The following MED27 variants were observed in gnomAD, a reference collection of about 807,000 sequenced individuals.
MED27 encodes mediator of RNA polymerase II transcription subunit 27.
MED27 carries 30 observed loss-of-function variants against 38.2 expected under a neutral mutation model. The ratio of observed to expected loss-of-function variants is 0.79; its 90% confidence interval spans 0.59 to 1.07. The LOEUF is 1.07. MED27 is among the 50% of genes least tolerant of loss of function. The pLI, the probability that MED27 is intolerant of heterozygous loss-of-function variation, is 0.00. For missense variants in MED27, 289 were observed against 397.5 expected (o/e 0.73, Z 2.32); for synonymous variants, 122 against 153.5 (o/e 0.79, Z 1.52).
rs113721791 is a variant in MED27, at chr9:131,993,243, T to TAA, written c.479+21092_479+21093dup. 6.6e-3 allele frequency among the ~76,000 whole-genome samples: 1,002 copies of TAA among 151,248 alleles called. 15 individuals are homozygous for TAA. Among genetic ancestry groups the TAA allele is most frequent in the Non-Finnish European group, 7.2e-3 (488 of 67,770 alleles). On this transcript the variant is annotated intron_variant, in intron 3 of 7. Transcript: ENST00000292035. ...GTTGTTATTCATGTTTTTTTTTTTT[T>TAA]AAAAAATTCAAGTTTTTCCTTACAG...
intron 3 of MED27, among the ~76,000 whole-genome samples, chr9:131,950,844 G>T (rs1258083398): frequency 6.6e-6 from 1 of 152,184 alleles, no homozygotes; most frequent in East Asian, 1.9e-4. Context: ...TGGTGAACGG[G>T]ACTGATTTAA....
At chr9:132,049,557 C>T (rs1276315863) in intron 2 of MED27, among the ~76,000 whole-genome samples, 1 of 152,176 alleles carries the variant, frequency 6.6e-6, no homozygotes, top group Non-Finnish European at 1.5e-5. Context: ...GGTTGCCACA[C>T]TCTCCTCTCA....
chr9:131,961,719 C>T (rs964338663), intron 3 of MED27, among the ~76,000 whole-genome samples: 1 of 152,236 alleles, frequency 6.6e-6, no homozygotes, highest in Admixed American at 6.5e-5. Flanking sequence ...CTGCTTTCTA[C>T]AGTCCCTTCC....
intron 3 of MED27, among the ~76,000 whole-genome samples, chr9:131,988,080 A>G (rs908907179): frequency 1.3e-5 from 2 of 152,280 alleles, no homozygotes; most frequent in Non-Finnish European, 2.9e-5. Context: ...CGTAAATACA[A>G]CAGTCAATAA....
chr9:131,980,384 T>TTG (rs1405851556), intron 3 of MED27, among the ~76,000 whole-genome samples: 1 of 152,116 alleles, frequency 6.6e-6, no homozygotes, highest in African/African-American at 2.4e-5. Context: ...ACAAAGACTA[T>TTG]TGTGCAATCA....
chr9:132,037,649 G>A (rs990600858), intron 2 of MED27, among the ~76,000 whole-genome samples: 2 of 152,180 alleles, frequency 1.3e-5, no homozygotes, highest in Non-Finnish European at 2.9e-5. Context: ...ATGGGCTTGG[G>A]CTGGCTTCGG....
At chr9:131,994,882 A>C (rs1374637797) in intron 3 of MED27, among the ~76,000 whole-genome samples, 1 of 152,136 alleles carries the variant, frequency 6.6e-6, no homozygotes, top group African/African-American at 2.4e-5. Flanking sequence ...GGAAGGGGGA[A>C]GTGTCCAAGC....
intron 6 of MED27, among the ~76,000 whole-genome samples, chr9:131,864,223 G>A (rs1164940845): frequency 1.3e-5 from 2 of 152,180 alleles, no homozygotes; most frequent in Non-Finnish European, 2.9e-5. Context: ...CCTCATGCCT[G>A]TAATCCCAGA....
intron 3 of MED27, among the ~76,000 whole-genome samples, chr9:131,955,929 A>G (rs1831086629): frequency 6.8e-6 from 1 of 146,466 alleles, no homozygotes; most frequent in Admixed American, 6.6e-5. Flanking sequence ...ACAAAAGAAA[A>G]AGAAAGTTAT....
chr9:131,966,600 T>C (rs555958534), intron 3 of MED27, among the ~76,000 whole-genome samples: 18 of 152,084 alleles, frequency 1.2e-4, no homozygotes, highest in Non-Finnish European at 2.4e-4. Flanking sequence ...TGTACTCTTC[T>C]AGTATCACTT....
chr9:132,031,761 T>C (rs1293628023), intron 2 of MED27: 1 of 152,094 alleles, frequency 6.6e-6, no homozygotes, highest in Admixed American at 6.5e-5. Context: ...TACGTACTTA[T>C]GTTCCTTGGA....
intron 3 of MED27, among the ~76,000 whole-genome samples, chr9:132,011,945 C>T (rs76371366): frequency 1.8e-5 from 2 of 112,536 alleles, no homozygotes; most frequent in Admixed American, 9.7e-5. Flanking sequence ...GAACACCTCT[C>T]GCTCTTTTTT....
At chr9:132,063,320 C>T (rs916641216) in intron 2 of MED27, among the ~76,000 whole-genome samples, 2 of 152,182 alleles carry the variant, frequency 1.3e-5, no homozygotes, top group South Asian at 2.1e-4. Context: ...GAAAGCAGTA[C>T]GTACCCATCA....
intron 4 of MED27, among the ~76,000 whole-genome samples, chr9:131,908,684 TC>T (rs1830128933): frequency 6.6e-6 from 1 of 152,008 alleles, no homozygotes; most frequent in Non-Finnish European, 1.5e-5. Context: ...GGCAGCATGC[TC>T]GTTAAGAGTC....
At position 132,003,875 on chromosome 9, in the gene MED27, A is replaced by G. The variant is rs931338294; in HGVS notation, c.479+10462T>C. On this transcript the variant is annotated intron_variant, in intron 3 of 7. Coordinates refer to ENST00000292035, the MANE Select transcript of MED27 (RefSeq NM_004269.4). The surrounding 1 kb of genome is among the most constrained non-coding windows in gnomAD (Gnocchi z 4.2). ...AATGAAACCCATTAATTTTCTGTTT[A>G]AATGCAGTAGTACTTTCTGCACCTT... 6.6e-6 allele frequency among the ~76,000 whole-genome samples: 1 copy of G among 152,172 alleles called. No individual in the cohort carries two copies. Among genetic ancestry groups the G allele is most frequent in the Non-Finnish European group, 1.5e-5 (1 of 68,032 alleles).
At position 131,893,959 on chromosome 9, in the gene MED27, C is replaced by T. The variant is rs367842385; in HGVS notation, c.607G>A (p.Val203Ile). Residue 203 changes from valine (V) to isoleucine (I), a missense_variant, in exon 5 of 8, where the codon GTC (valine) becomes ATC (isoleucine). Coordinates refer to ENST00000292035, the MANE Select transcript of MED27 (RefSeq NM_004269.4). ...CGATCAATGAACAGGCTCCGCATGA[C>T]GACGATCACTTTCAACACCTTTCCC... ...TLGKVLKVIV[V>I]MRSLFIDRTI... is the part of the protein sequence containing the mutation. 2.5e-5 allele frequency: 40 copies of T among 1,614,180 alleles called. 1 individual carries two copies. Among genetic ancestry groups the T allele is most frequent in the South Asian group, 1.8e-4 (16 of 91,082 alleles).
intron 5 of MED27, among the ~76,000 whole-genome samples, chr9:131,891,551 A>C (rs558457582): frequency 1.3e-5 from 2 of 152,360 alleles, no homozygotes; most frequent in South Asian, 4.1e-4. Flanking sequence ...ACTGGTTTCC[A>C]CAGTAAAGAA....
At chr9:132,060,584 A>C (rs1030962954) in intron 2 of MED27, among the ~76,000 whole-genome samples, 10 of 152,184 alleles carry the variant, frequency 6.6e-5, no homozygotes, top group Non-Finnish European at 1.3e-4. Flanking sequence ...TTCTACAGGA[A>C]ACCCTTTACG....
intron 3 of MED27, among the ~76,000 whole-genome samples, chr9:131,969,855 T>C (rs1254424077): frequency 6.6e-6 from 1 of 152,174 alleles, no homozygotes; most frequent in Non-Finnish European, 1.5e-5. Context: ...AGCTATAATA[T>C]TGAGAGCTGA....
Sources: allele counts gnomAD v4.1 joint callset (sites outside exome capture counted in the v4.1 genomes callset), GRCh38; gene constraint gnomAD v4.1.1; non-coding constraint Gnocchi (gnomAD v3.1); transcripts MANE v1.5; gene names NCBI Gene and HGNC (gene_info 2026-07-23, HGNC 2026-07-21).